ITGA8: variants seen among roughly 807,000 people sequenced by gnomAD.
ITGA8 encodes integrin subunit alpha 8, also known as integrin alpha-8.
Under a neutral mutation model 142.3 loss-of-function variants are expected in ITGA8, and 91 were observed. The ratio of observed to expected loss-of-function variants is 0.64; its 90% CI spans 0.54 to 0.76. ITGA8 has a LOEUF of 0.76. Among genes scored for constraint, ITGA8 ranks in the 30% least tolerant of loss-of-function variants. The pLI, the probability that ITGA8 is intolerant of heterozygous loss-of-function variation, is 0.00. For missense variants in ITGA8, 1,406 were observed against 1,327.7 expected, an observed-to-expected ratio of 1.06 and a Z score of -0.92; for synonymous variants, 505 against 485.2, an observed-to-expected ratio of 1.04 and a Z score of -0.54.
At chr10:15,587,725 A>G (rs1428897880) in intron 22 of ITGA8, among the ~76,000 whole-genome samples, 1 of 152,232 alleles carries the variant, frequency 6.6e-6, no homozygotes, top group Non-Finnish European at 1.5e-5. Context: ...GTGTCTAGAT[A>G]GAAGGTGTGT....
At position 15,604,328 on chromosome 10, in the gene ITGA8, A is replaced by G. The variant is rs775443774; in HGVS notation, c.1998T>C (p.Asp666=). The G allele has an allele frequency of 5.6e-6, 9 of 1,612,104 alleles. No individual in the cohort carries two copies. The highest frequency in any genetic ancestry group is 6.8e-6 in the Non-Finnish European group (8 of 1,179,080). Residue 666 remains aspartate (D), a synonymous_variant, in exon 20 of 30, where the codon GAT becomes GAC. Transcript: ENST00000378076. ...RPDKHQVIIG[D]ENHLMLIINA... ...TTATTATGAGCATAAGGTGATTTTC[A>G]TCTCCAATGATTACCTGATGCTTAT...
At chr10:15,546,125 G>T (rs993039461) in intron 27 of ITGA8, among the ~76,000 whole-genome samples, 4 of 152,090 alleles carry the variant, frequency 2.6e-5, no homozygotes, top group East Asian at 1.9e-4. Context: ...CTCCTCCTAG[G>T]CCTCTCCTGT....
chr10:15,558,021 T>C, intron 26 of ITGA8, 53 bp downstream of exon 26: 1 of 1,603,758 alleles, frequency 6.2e-7, no homozygotes, highest in Non-Finnish European at 8.5e-7. Context: ...TATTTGAGGG[T>C]TCTATCCAAG....
rs71374633 is a variant in ITGA8 at position 15,565,573 on chromosome 10, ATTTTTTTTTTTTTTTTTTT to A, written c.2637+6619_2637+6637del. The stretch of plus-strand genomic sequence containing the variant: ...ATAATCTTCTTCCTTTCATGTCCTG[ATTTTTTTTTTTTTTTTTTT>A]TTTTTTTTTTTTTTTGAGACAGAGT... On this transcript the variant is annotated intron_variant, in intron 25 of 29. Transcript: ENST00000378076. 4.6e-4 allele frequency among the ~76,000 whole-genome samples: 16 copies of A among 34,786 alleles called. No homozygotes were observed. In the East Asian group the frequency reaches 0.012, roughly 27 times the overall value. 22.8% of individuals were successfully genotyped at this position (34,786 alleles called of 152,430 possible).
chr10:15,577,398 G>A (rs7079092), intron 23 of ITGA8, among the ~76,000 whole-genome samples: 28,149 of 151,850 alleles, frequency 0.19, 3,727 homozygotes, highest in East Asian at 0.39. Flanking sequence ...GAGATCTAGA[G>A]CTCAGATCCT....
chr10:15,518,334 A>G (rs1335023706), intron 29 of ITGA8, among the ~76,000 whole-genome samples: 1 of 152,208 alleles, frequency 6.6e-6, no homozygotes. Flanking sequence ...ACATGGTTGT[A>G]TCTTATACTC....
Position 15,516,972 on chromosome 10 carries a change from G to A in ITGA8, c.*186C>T, listed in dbSNP as rs1192203816. 8.4e-6 allele frequency: 4 copies of A among 473,508 alleles called. No homozygotes were observed. The highest frequency in any genetic ancestry group is 8.1e-5 in the African/African-American group (4 of 49,242). 29.3% of individuals were successfully genotyped at this position (473,508 alleles called of 1,614,324 possible). ...GCTTTGGTGTTTCCTTTTCCAACAG[G>A]GCTCACTGGGCACCCAGGACAATTT... On this transcript the variant is annotated 3_prime_UTR_variant, in exon 30 of 30. Transcript: ENST00000378076.
rs191708626 is a variant in ITGA8, at chr10:15,583,584, C to T, written c.2372+3000G>A. 2.3e-4 allele frequency among the ~76,000 whole-genome samples: 35 copies of T among 152,192 alleles called. 1 individual carries two copies. Among genetic ancestry groups the T allele is most frequent in the Admixed American group, 3.3e-4 (5 of 15,284 alleles). ...CAAGAACACAGATGTTTCTCAAGTG[C>T]GTTAGGTTAGGTGGAAGAAGCCAGC... On this transcript the variant is annotated intron_variant, in intron 23 of 29. Coordinates refer to ENST00000378076, the MANE Select transcript of ITGA8 (RefSeq NM_003638.3).
intron 2 of ITGA8, among the ~76,000 whole-genome samples, chr10:15,694,678 C>CATACATAT (rs1554788566): frequency 5.2e-5 from 4 of 77,528 alleles, no homozygotes; most frequent in African/African-American, 1.8e-4. Context: ...TATTTGTCGA[C>CATACATAT]ATATATATAT....
chr10:15,652,064 T>A (rs1235209645), intron 11 of ITGA8, among the ~76,000 whole-genome samples: 1 of 152,208 alleles, frequency 6.6e-6, no homozygotes, highest in African/African-American at 2.4e-5. Context: ...TGCATAGCAA[T>A]TTTTAAGAAC....
intron 24 of ITGA8, among the ~76,000 whole-genome samples, chr10:15,574,702 T>A (rs1449898343): frequency 8.1e-6 from 1 of 123,548 alleles, no homozygotes; most frequent in Non-Finnish European, 1.8e-5. Flanking sequence ...TTTATATATA[T>A]GTATATATAT....
At chr10:15,558,467 A>G (rs1833922034) in intron 25 of ITGA8, among the ~76,000 whole-genome samples, 1 of 152,196 alleles carries the variant, frequency 6.6e-6, no homozygotes, top group African/African-American at 2.4e-5. Context: ...GAAGATTTGA[A>G]GCAGAAGTCA....
At chr10:15,619,278 A>G (rs1366836760) in intron 13 of ITGA8, among the ~76,000 whole-genome samples, 1 of 152,176 alleles carries the variant, frequency 6.6e-6, no homozygotes, top group Non-Finnish European at 1.5e-5. Context: ...CCTAAGACAC[A>G]ATAATACTTG....
At chr10:15,606,877 C>T (rs550940027) in intron 17 of ITGA8, among the ~76,000 whole-genome samples, 2 of 152,302 alleles carry the variant, frequency 1.3e-5, no homozygotes, top group African/African-American at 4.8e-5. Flanking sequence ...AAGCCCTTGC[C>T]TGCATGAACT....
chr10:15,535,321 G>C (rs1180108115), intron 27 of ITGA8, among the ~76,000 whole-genome samples: 2 of 152,200 alleles, frequency 1.3e-5, no homozygotes, highest in Non-Finnish European at 2.9e-5. Flanking sequence ...GAGGAGTGTG[G>C]GCACAGGGCA....
At chr10:15,541,183 T>C (rs1175151539) in intron 27 of ITGA8, among the ~76,000 whole-genome samples, 1 of 152,184 alleles carries the variant, frequency 6.6e-6, no homozygotes, top group Non-Finnish European at 1.5e-5. Context: ...CTGTTGGAGA[T>C]TGTGACTTTC....
At chr10:15,659,210 T>C (rs1834241085) in intron 9 of ITGA8, among the ~76,000 whole-genome samples, 155 bp from the exon 10 acceptor site, 1 of 91,168 alleles carries the variant, frequency 1.1e-5, no homozygotes, top group African/African-American at 3.1e-5. Context: ...AATGATCTTA[T>C]TTAAAAAAAA....
intron 19 of ITGA8, among the ~76,000 whole-genome samples, chr10:15,605,344 G>A (rs937929606): frequency 6.6e-6 from 1 of 152,142 alleles, no homozygotes; most frequent in African/African-American, 2.4e-5. Flanking sequence ...ATGGCTTTGA[G>A]TCATGGGGTG....
At chr10:15,531,871 G>C (rs1477824286) in intron 27 of ITGA8, among the ~76,000 whole-genome samples, 1 of 152,118 alleles carries the variant, frequency 6.6e-6, no homozygotes, top group Non-Finnish European at 1.5e-5. Context: ...CTTGAACCTG[G>C]GGGGCGCAGG....
Sources: gnomAD v4.1 joint callset for allele counts (sites outside exome capture counted in the v4.1 genomes callset) on GRCh38, gnomAD v4.1.1 for gene constraint, MANE v1.5 for transcripts, NCBI Gene and HGNC (gene_info 2026-07-23, HGNC 2026-07-21) for gene names.